Variants in RPS6KC1 observed in about 807,000 individuals in gnomAD.
RPS6KC1 encodes ribosomal protein S6 kinase C1.
RPS6KC1 carries 54 observed loss-of-function variants against 103.8 expected under a neutral mutation model. The observed-to-expected ratio is 0.52, with a 90% CI of 0.42 to 0.65. The LOEUF is 0.65. Ranked by LOEUF, RPS6KC1 falls within the 30% of genes least tolerant of loss-of-function variation. RPS6KC1 has a pLI of 0.00. For missense variants in RPS6KC1, 1,151 were observed against 1,253.8 expected, an observed-to-expected ratio of 0.92 and a Z score of 1.24; for synonymous variants, 439 against 438.7, an observed-to-expected ratio of 1.00 and a Z score of -0.01.
At chr1:213,699,420 C>T in the RPS6KC1 span, among the ~76,000 whole-genome samples, 750 of 152,186 alleles carry the variant, frequency 4.9e-3, 5 homozygotes, top group African/African-American at 0.017. Flanking sequence ...AATAGTACTC[C>T]GTTGTGTATA....
the RPS6KC1 span, among the ~76,000 whole-genome samples, chr1:213,286,924 A>C: frequency 6.6e-6 from 1 of 152,262 alleles, no homozygotes; most frequent in Non-Finnish European, 1.5e-5. Context: ...ATGAGTATGC[A>C]GTTGGCAACA....
chr1:213,607,102 T>C, the RPS6KC1 span, among the ~76,000 whole-genome samples: 13 of 152,290 alleles, frequency 8.5e-5, no homozygotes, highest in Admixed American at 2.0e-4. Context: ...TGCTCAGCAA[T>C]GTTTTCAGGA....
At chr1:213,832,758 G>A in the RPS6KC1 span, 1 of 152,278 alleles carries the variant, frequency 6.6e-6, no homozygotes, top group East Asian at 1.9e-4. Context: ...TCTTTAACAT[G>A]ATTGCATTAG....
the RPS6KC1 span, among the ~76,000 whole-genome samples, chr1:213,405,075 A>G: frequency 6.6e-6 from 1 of 152,314 alleles, no homozygotes; most frequent in East Asian, 1.9e-4. Context: ...GAGGGGGAGG[A>G]GACCATGGCA....
chr1:213,467,705 C>G, the RPS6KC1 span, among the ~76,000 whole-genome samples: 28 of 152,162 alleles, frequency 1.8e-4, no homozygotes, highest in Admixed American at 1.8e-3. Context: ...CACAGAGATC[C>G]TCTTCCCTTC....
chr1:213,802,350 C>T, the RPS6KC1 span, among the ~76,000 whole-genome samples: 35 of 152,298 alleles, frequency 2.3e-4, no homozygotes, highest in Admixed American at 9.8e-4. Flanking sequence ...AAAAACAGTG[C>T]TAAGAAATCC....
intron 2 of RPS6KC1, among the ~76,000 whole-genome samples, chr1:213,072,120 C>A (rs1433300126): frequency 1.3e-5 from 2 of 151,558 alleles, no homozygotes; most frequent in East Asian, 3.9e-4. Flanking sequence ...AGTTTACAGT[C>A]CTGATTCTGC....
At chr1:213,322,275 G>C in the RPS6KC1 span, among the ~76,000 whole-genome samples, 5 of 152,172 alleles carry the variant, frequency 3.3e-5, no homozygotes, top group African/African-American at 1.2e-4. Context: ...CTGGGTGACA[G>C]AGTGAGGCTC....
At chr1:213,538,169 C>A in the RPS6KC1 span, among the ~76,000 whole-genome samples, 1 of 152,086 alleles carries the variant, frequency 6.6e-6, no homozygotes, top group East Asian at 1.9e-4. Flanking sequence ...TCCTTGGCTC[C>A]CAGGTTTGGT....
the RPS6KC1 span, among the ~76,000 whole-genome samples, chr1:213,319,973 A>C: frequency 1.3e-5 from 2 of 152,204 alleles, no homozygotes; most frequent in African/African-American, 4.8e-5. Flanking sequence ...TCGAGTCATT[A>C]AATAGACAGA....
the RPS6KC1 span, among the ~76,000 whole-genome samples, chr1:213,817,245 C>G: frequency 6.6e-6 from 1 of 152,208 alleles, no homozygotes; most frequent in Admixed American, 6.5e-5. Flanking sequence ...CATCGGCTCC[C>G]CTCCTCCCAG....
In RPS6KC1 at chr1:213,242,090, A is replaced by G; in HGVS notation, c.2614A>G (p.Ser872Gly). 3 of 1,613,970 alleles carry G rather than the reference A, an allele frequency of 1.9e-6. No individual in the cohort carries two copies. The highest frequency in any genetic ancestry group is 2.5e-6 in the Non-Finnish European group (3 of 1,179,918). The change falls in exon 11 of 15, where the codon AGT (serine) becomes GGT (glycine). Residue 872 changes from serine (S) to glycine (G), a missense_variant. Transcript: ENST00000366960. Reference sequence around the variant, plus strand: ...GAGAGACTCTGAGACTAAGGGTGAAAGTGGTTTAGTGCTAGAAGGAGACAA... The same window carrying G: ...GAGAGACTCTGAGACTAAGGGTGAAGGTGGTTTAGTGCTAGAAGGAGACAA... ...FQRDSETKGE[S>G]GLVLEGDKEI...
chr1:213,614,330 C>G, the RPS6KC1 span, among the ~76,000 whole-genome samples: 67 of 152,332 alleles, frequency 4.4e-4, 3 homozygotes, highest in East Asian at 9.6e-3. Flanking sequence ...CTGTGTACCA[C>G]TACGGTTTCT....
At chr1:213,313,416 C>T in the RPS6KC1 span, among the ~76,000 whole-genome samples, 2 of 152,162 alleles carry the variant, frequency 1.3e-5, no homozygotes, top group Non-Finnish European at 2.9e-5. Context: ...CTACTCCTTC[C>T]TGAAGCCATA....
chr1:213,757,150 C>T, the RPS6KC1 span, among the ~76,000 whole-genome samples: 3 of 152,146 alleles, frequency 2.0e-5, no homozygotes, highest in Non-Finnish European at 4.4e-5. Flanking sequence ...TCCACAGCAG[C>T]CACTAAATGT....
At chr1:213,139,850 T>G (rs1207702726) in intron 6 of RPS6KC1, among the ~76,000 whole-genome samples, 1 of 152,090 alleles carries the variant, frequency 6.6e-6, no homozygotes, top group Non-Finnish European at 1.5e-5. Context: ...CCAAATGAAT[T>G]TTAGAATTTT....
At chr1:213,518,635 A>C in the RPS6KC1 span, among the ~76,000 whole-genome samples, 1 of 152,344 alleles carries the variant, frequency 6.6e-6, no homozygotes, top group East Asian at 1.9e-4. Flanking sequence ...TAAACATCGT[A>C]AAACCTTCAG....
At chr1:213,125,838 T>C (rs1436986701) in intron 5 of RPS6KC1, 1 of 152,090 alleles carries the variant, frequency 6.6e-6, no homozygotes, top group Non-Finnish European at 1.5e-5. Flanking sequence ...AAATATGATT[T>C]GAAAGGTAAG....
At chr1:213,401,651 T>C in the RPS6KC1 span, among the ~76,000 whole-genome samples, 1 of 152,220 alleles carries the variant, frequency 6.6e-6, no homozygotes, top group Non-Finnish European at 1.5e-5. Flanking sequence ...CAGCCTGTTC[T>C]ACCACCTCCT....
Sources: allele counts gnomAD v4.1 joint callset (sites outside exome capture counted in the v4.1 genomes callset), GRCh38; gene constraint gnomAD v4.1.1; transcripts MANE v1.5; gene names NCBI Gene and HGNC (gene_info 2026-07-23, HGNC 2026-07-21).